The following NIT2 variants were observed in gnomAD, a reference collection of about 807,000 sequenced individuals.
NIT2 encodes the protein nitrilase family member 2, also known as omega-amidase NIT2.
In NIT2, 46 loss-of-function variants were observed where a neutral mutation model predicts 42.7. The ratio of observed to expected loss-of-function variants is 1.08; its 90% CI spans 0.85 to 1.38. The LOEUF (loss-of-function observed/expected upper bound fraction) is 1.38, where lower values mean the gene tolerates loss of function less well. Ranked by LOEUF, NIT2 falls within the 40% of genes most tolerant of loss-of-function variation. The pLI, the probability that NIT2 is intolerant of heterozygous loss-of-function variation, is 0.00. For synonymous variants in NIT2, 123 were observed against 121.9 expected (o/e 1.01, Z -0.06); for missense variants, 309 against 342.5 (o/e 0.90, Z 0.77).
chr3:100,336,347 C>T (rs921900466), intron 1 of NIT2, among the ~76,000 whole-genome samples: 2 of 152,152 alleles, frequency 1.3e-5, no homozygotes, highest in Non-Finnish European at 2.9e-5. Context: ...GTTGCCCCTC[C>T]ACACCTGTGG....
chr3:100,343,766 A>G (rs537507139), intron 4 of NIT2, among the ~76,000 whole-genome samples: 2 of 152,340 alleles, frequency 1.3e-5, no homozygotes, highest in Admixed American at 6.5e-5. Context: ...AAAAAATTAT[A>G]ACATCTGGGT....
intron 1 of NIT2, chr3:100,335,095 A>G (rs1706052963): frequency 2.2e-6 from 1 of 456,926 alleles, no homozygotes; most frequent in Non-Finnish European, 4.2e-6. Context: ...GTATTTCTCC[A>G]CGGTGTGGGC....
chr3:100,335,868 C>A (rs996406846), intron 1 of NIT2, among the ~76,000 whole-genome samples: 5 of 152,154 alleles, frequency 3.3e-5, no homozygotes, highest in African/African-American at 1.2e-4. Flanking sequence ...AAAATTAGCC[C>A]GGTGTGGTGG....
At chr3:100,355,068 A>T in intron 9 of NIT2, 109 bp from the exon 10 acceptor site, 1 of 821,920 alleles carries the variant, frequency 1.2e-6, no homozygotes, top group Non-Finnish European at 2.0e-6. Flanking sequence ...GACCTATGTT[A>T]CTAAGTTACT....
intron 1 of NIT2, among the ~76,000 whole-genome samples, chr3:100,338,074 A>G (rs1163746189): frequency 6.6e-6 from 1 of 152,218 alleles, no homozygotes; most frequent in African/African-American, 2.4e-5. Flanking sequence ...CTGCCTCAAA[A>G]TAAAAAATAT....
Position 100,352,455 on chromosome 3 carries a change from C to T in NIT2, c.636C>T (p.Asp212=), listed in dbSNP as rs199862680. Residue 212 remains aspartate, a synonymous_variant, in exon 8 of 10, where the codon GAC becomes GAT. Transcript: ENST00000394140. The stretch of plus-strand genomic sequence containing the variant: ...CCACAGCCTCTCCTGCCCGGGATGA[C>T]AAAGCCTCCTATGTTGCCTGGGGAC... ...YVATASPARD[D]KASYVAWGHS... is the part of the protein sequence containing the mutation. 2.0e-5 allele frequency: 33 copies of T among 1,613,638 alleles called. No homozygotes were observed. The highest frequency in any genetic ancestry group is 1.0e-4 in the Admixed American group (6 of 60,006).
Position 100,339,214 on chromosome 3 carries a change from G to A in NIT2, c.126+9G>A, listed in dbSNP as rs1706117202. On this transcript the variant is annotated intron_variant, in intron 2 of 9. Transcript: ENST00000394140. Reference sequence around the variant, plus strand: ...AAATAGTTTCTTTGCCGGTCAGTATGGGAGCAGCCATTCTGTTCTAGCCAC... The same window carrying A: ...AAATAGTTTCTTTGCCGGTCAGTATAGGAGCAGCCATTCTGTTCTAGCCAC... 1.3e-6 allele frequency: 2 copies of A among 1,553,872 alleles called. No individual in the cohort carries two copies. The highest frequency in any genetic ancestry group is 2.2e-5 in the South Asian group (2 of 89,882).
intron 5 of NIT2, 160 bp from the exon 6 acceptor site, chr3:100,346,021 T>G: frequency 1.6e-6 from 1 of 626,402 alleles, no homozygotes; most frequent in Non-Finnish European, 2.9e-6. Flanking sequence ...TGAGATGAAG[T>G]CCAAGTAGGA....
Position 100,334,782 on chromosome 3 carries a change from C to T in NIT2, c.-10C>T, listed in dbSNP as rs1706047001. The T allele has an allele frequency of 3.9e-6, 5 of 1,292,398 alleles. No individual in the cohort carries two copies. The highest frequency in any genetic ancestry group is 4.9e-6 in the Non-Finnish European group (5 of 1,014,124). The allele number at this position is 1,292,398 out of a possible 1,614,324, so 80.1% of individuals were successfully genotyped here. A position where few individuals can be genotyped will look rare whatever the true frequency, so the allele number is the denominator to read the frequency against. On this transcript the variant is annotated 5_prime_UTR_variant, in exon 1 of 10. Transcript: ENST00000394140. ...AGTCCGCGCCGCAGGTGGTGCTTGT[C>T]TGCAGAGTCATGACCTGTAAGTGGC...
chr3:100,343,119 G>GT (rs1303568756), intron 4 of NIT2, among the ~76,000 whole-genome samples: 2 of 149,746 alleles, frequency 1.3e-5, no homozygotes, highest in Non-Finnish European at 3.0e-5. Context: ...ATAATTTGTT[G>GT]TTTTTTCTCT....
rs1481525223 is a variant in NIT2 at position 100,359,414 on chromosome 3, C to G, written c.*4146C>G. The G allele has an allele frequency of 1.3e-5, 2 of 152,212 alleles. No homozygotes were observed. Among genetic ancestry groups the G allele is most frequent in the Non-Finnish European group, 2.9e-5 (2 of 68,042 alleles). 9.4% of individuals were successfully genotyped at this position (152,212 alleles called of 1,614,324 possible). On this transcript the variant is annotated 3_prime_UTR_variant, in exon 10 of 10. Coordinates refer to ENST00000394140, the MANE Select transcript of NIT2 (RefSeq NM_020202.5). ...CCCTCAGAACAAAGAGCACGCCATC[C>G]TGTAAAGTACTCTTCCTGATTTTTT...
At position 100,355,250 on chromosome 3, in the gene NIT2, G is replaced by C. The variant is rs560429863; in HGVS notation, c.813G>C (p.Val271=). ...FRQKRSDLYA[V]EMKKP ...AGAAGCGATCAGACCTCTATGCTGTGGAGATGAAAAAGCCCTAAAGTTTAT... is the reference window on the plus strand; with the variant it reads ...AGAAGCGATCAGACCTCTATGCTGTCGAGATGAAAAAGCCCTAAAGTTTAT... The change falls in exon 10 of 10, where the codon GTG becomes GTC. Residue 271 remains valine (V), a synonymous_variant. Transcript: ENST00000394140. 1 of 1,613,696 alleles carries C rather than the reference G, an allele frequency of 6.2e-7. No individual in the cohort carries two copies. Among genetic ancestry groups the C allele is most frequent in the South Asian group, 1.1e-5 (1 of 91,042 alleles).
chr3:100,339,487 G>A (rs1256684237), intron 2 of NIT2, among the ~76,000 whole-genome samples: 1 of 152,190 alleles, frequency 6.6e-6, no homozygotes, highest in African/African-American at 2.4e-5. Flanking sequence ...AAAATACTCA[G>A]TGCTTGGATA....
In NIT2 at chr3:100,361,415, G is replaced by A. The variant is rs1706384177; in HGVS notation, c.*6147G>A. On this transcript the variant is annotated 3_prime_UTR_variant, in exon 10 of 10. Transcript: ENST00000394140. ...CAACAAAAGAAATGGAGAAATTTGA[G>A]CCATGTATCCTGAGCTCTGAAAGGC... The A allele has an allele frequency of 6.6e-6, 1 of 152,198 alleles. No individual in the cohort carries two copies. Among genetic ancestry groups the A allele is most frequent in the African/African-American group, 2.4e-5 (1 of 41,426 alleles). The allele number at this position is 152,198 out of a possible 1,614,324, so 9.4% of individuals were successfully genotyped here. A position where few individuals can be genotyped will look rare whatever the true frequency, so the allele number is the denominator to read the frequency against.
At chr3:100,350,596 G>T (rs112048263) in intron 7 of NIT2, among the ~76,000 whole-genome samples, 1 of 152,170 alleles carries the variant, frequency 6.6e-6, no homozygotes, top group Admixed American at 6.5e-5. Context: ...TGCATGGTAG[G>T]ATGTTTAGCA....
intron 8 of NIT2, among the ~76,000 whole-genome samples, chr3:100,354,060 G>A (rs534913287): frequency 2.7e-4 from 41 of 152,220 alleles, no homozygotes; most frequent in Non-Finnish European, 5.7e-4. Flanking sequence ...ACAGGCGTGA[G>A]CTACCGCACC....
At position 100,358,920 on chromosome 3, in the gene NIT2, T is replaced by C. The variant is rs1424728424; in HGVS notation, c.*3652T>C. 6.6e-6 allele frequency: 1 copy of C among 152,248 alleles called. No homozygotes were observed. Among genetic ancestry groups the C allele is most frequent in the Admixed American group, 6.5e-5 (1 of 15,274 alleles). 9.4% of individuals were successfully genotyped at this position (152,248 alleles called of 1,614,324 possible). A position where few individuals can be genotyped will look rare whatever the true frequency, so the allele number is the denominator to read the frequency against. On this transcript the variant is annotated 3_prime_UTR_variant, in exon 10 of 10. Coordinates refer to ENST00000394140, the MANE Select transcript of NIT2 (RefSeq NM_020202.5). Reference sequence around the variant, plus strand: ...GTGGGTACAATGAAGCCAGGAGGGATAGAAAGGGAAATGATGTGTGTGCTG... The same window carrying C: ...GTGGGTACAATGAAGCCAGGAGGGACAGAAAGGGAAATGATGTGTGTGCTG...
intron 5 of NIT2, chr3:100,345,932 G>A: frequency 1.7e-6 from 1 of 593,756 alleles, no homozygotes; most frequent in Non-Finnish European, 3.0e-6. Context: ...CTACAGTTGA[G>A]TACCTCCCAT....
intron 4 of NIT2, 81 bp downstream of exon 4, chr3:100,341,242 C>T: frequency 4.4e-6 from 4 of 911,560 alleles, no homozygotes; most frequent in Non-Finnish European, 7.3e-6. Flanking sequence ...TATGAAGTTC[C>T]CTAGTCCCTC....
Sources: allele counts gnomAD v4.1 joint callset (sites outside exome capture counted in the v4.1 genomes callset), GRCh38; gene constraint gnomAD v4.1.1; transcripts MANE v1.5; gene names NCBI Gene and HGNC (gene_info 2026-07-23, HGNC 2026-07-21).